HPCAL1: variants seen among roughly 807,000 people sequenced by gnomAD.
HPCAL1 encodes the protein hippocalcin-like protein 1.
A neutral mutation model predicts 17.1 loss-of-function variants in HPCAL1; 8 were observed. The ratio of observed to expected loss-of-function variants is 0.47; its 90% CI spans 0.27 to 0.84. The LOEUF is 0.84. Among genes scored for constraint, HPCAL1 ranks in the 40% least tolerant of loss-of-function variants. The probability of loss-of-function intolerance (pLI) is 0.13; values close to 1 mark genes in which losing one functional copy is unlikely to be tolerated. For missense variants in HPCAL1, 165 were observed against 271.1 expected (o/e 0.61, Z 2.75); for synonymous variants, 112 against 111.4 (o/e 1.01, Z -0.03).
chr2:10,404,161 A>G (rs367686768), intron 2 of HPCAL1, among the ~76,000 whole-genome samples: 21 of 152,244 alleles, frequency 1.4e-4, no homozygotes, highest in Admixed American at 5.2e-4. Context: ...GGTCTCCCCA[A>G]AAGTTTGGGC....
At chr2:10,307,361 G>A (rs188136681) in intron 1 of HPCAL1, among the ~76,000 whole-genome samples, 96 of 152,288 alleles carry the variant, frequency 6.3e-4, no homozygotes, top group African/African-American at 2.2e-3. Context: ...TCTCCTCTCA[G>A]GTAGGCATGA....
rs1432612401 is a variant in HPCAL1 at position 10,359,667 on chromosome 2, C to T, written c.-110-37168C>T. 2.0e-5 allele frequency among the ~76,000 whole-genome samples: 3 copies of T among 152,210 alleles called. No homozygotes were observed. Among genetic ancestry groups the T allele is most frequent in the Non-Finnish European group, 4.4e-5 (3 of 68,030 alleles). ...CCTTCCAGGCCCACTCAGTGGCTGG[C>T]GGTCCCACCTCCAAATGCAGGCAGA... On this transcript the variant is annotated intron_variant, in intron 1 of 4. Coordinates refer to ENST00000307845, the MANE Select transcript of HPCAL1 (RefSeq NM_002149.4). This position sits in a 1 kb window ranked among gnomAD's most constrained non-coding sequence, Gnocchi z 4.1.
Position 10,394,721 on chromosome 2 carries a change from G to A in HPCAL1, c.-110-2114G>A, listed in dbSNP as rs1668907600. Among the ~76,000 whole-genome samples, 1 of 152,154 alleles carries A rather than the reference G, an allele frequency of 6.6e-6. No homozygotes were observed. The highest frequency in any genetic ancestry group is 1.5e-5 in the Non-Finnish European group (1 of 68,024). ...GGATGTGGATCGTGGGGAAGGCTGT[G>A]GCCGGGAGTGGTGTAAGGGGTGTGT... is the stretch of plus-strand genomic sequence containing the variant. On this transcript the variant is annotated intron_variant, in intron 1 of 4. Transcript: ENST00000307845. This position sits in a 1 kb window ranked among gnomAD's most constrained non-coding sequence, Gnocchi z 5.0.
intron 1 of HPCAL1, among the ~76,000 whole-genome samples, chr2:10,355,912 C>T (rs867523758): frequency 1.9e-4 from 29 of 152,068 alleles, no homozygotes; most frequent in Admixed American, 4.6e-4. Context: ...GAGCCCCTGC[C>T]GGAGGACATG....
chr2:10,409,743 C>T (rs1670211881), intron 2 of HPCAL1, among the ~76,000 whole-genome samples: 1 of 143,192 alleles, frequency 7.0e-6, no homozygotes. Flanking sequence ...AAATTCACAA[C>T]AAACGCCTCT....
At position 10,384,164 on chromosome 2, in the gene HPCAL1, A is replaced by G. The variant is rs1433013264; in HGVS notation, c.-110-12671A>G. On this transcript the variant is annotated intron_variant, in intron 1 of 4. Coordinates refer to ENST00000307845, the MANE Select transcript of HPCAL1 (RefSeq NM_002149.4). The surrounding 1 kb of genome is among the most constrained non-coding windows in gnomAD (Gnocchi z 4.4). Reference sequence around the variant, plus strand: ...TAGGCAGACAAAAGAACAACCCCAGACCTCCTCCCTCAGGGTGGGGACAAG... The same window carrying G: ...TAGGCAGACAAAAGAACAACCCCAGGCCTCCTCCCTCAGGGTGGGGACAAG... 6.6e-6 allele frequency among the ~76,000 whole-genome samples: 1 copy of G among 151,634 alleles called. No homozygotes were observed. Among genetic ancestry groups the G allele is most frequent in the African/African-American group, 2.4e-5 (1 of 41,208 alleles).
intron 1 of HPCAL1, among the ~76,000 whole-genome samples, chr2:10,368,281 C>T (rs766612369): frequency 5.5e-4 from 82 of 149,206 alleles, no homozygotes; most frequent in Admixed American, 2.1e-3. Flanking sequence ...TGTGTGCATA[C>T]GTGTGTGTAG....
intron 2 of HPCAL1, among the ~76,000 whole-genome samples, chr2:10,400,631 T>A (rs1001928359): frequency 6.6e-6 from 1 of 152,136 alleles, no homozygotes; most frequent in Non-Finnish European, 1.5e-5. Flanking sequence ...AGGGTTATAT[T>A]TAGGGTGACT....
intron 1 of HPCAL1, among the ~76,000 whole-genome samples, chr2:10,370,944 C>A (rs1316122749): frequency 6.6e-6 from 1 of 152,230 alleles, no homozygotes; most frequent in Non-Finnish European, 1.5e-5. Context: ...ACGGGGCAGC[C>A]CCCTTCACCT....
At chr2:10,352,812 C>T (rs1263770288) in intron 1 of HPCAL1, among the ~76,000 whole-genome samples, 1 of 152,218 alleles carries the variant, frequency 6.6e-6, no homozygotes, top group Non-Finnish European at 1.5e-5. Flanking sequence ...ACAGAGATCA[C>T]TCCAGCCCTC....
chr2:10,360,556 C>T (rs1666457254), intron 1 of HPCAL1, among the ~76,000 whole-genome samples: 1 of 152,106 alleles, frequency 6.6e-6, no homozygotes, highest in Non-Finnish European at 1.5e-5. Flanking sequence ...GGATTCCAGG[C>T]ACCCGCCACC....
chr2:10,320,432 C>A (rs535073757), intron 1 of HPCAL1, among the ~76,000 whole-genome samples: 20 of 152,326 alleles, frequency 1.3e-4, no homozygotes, highest in African/African-American at 4.8e-4. Context: ...GCACCTCCCC[C>A]TGCTCTCCCT....
intron 1 of HPCAL1, among the ~76,000 whole-genome samples, chr2:10,336,552 A>G (rs1400582252): frequency 1.3e-5 from 2 of 152,068 alleles, no homozygotes; most frequent in Non-Finnish European, 2.9e-5. Context: ...GGTACTAATG[A>G]CCCTCCAAAT....
Position 10,377,596 on chromosome 2 carries a change from C to T in HPCAL1, c.-110-19239C>T, listed in dbSNP as rs1334081706. ...ACCTCTGAAGCCCCCTGCCAGCTCT[C>T]GGCAGCCCCCTCCTCCCCCTGGCTC... is the stretch of plus-strand genomic sequence containing the variant. On this transcript the variant is annotated intron_variant, in intron 1 of 4. Transcript: ENST00000307845. The surrounding 1 kb of genome is among the most constrained non-coding windows in gnomAD (Gnocchi z 5.9). Among the ~76,000 whole-genome samples the T allele has an allele frequency of 2.6e-5, 4 of 152,064 alleles. No individual in the cohort carries two copies. Among genetic ancestry groups the T allele is most frequent in the African/African-American group, 9.7e-5 (4 of 41,392 alleles).
intron 1 of HPCAL1, among the ~76,000 whole-genome samples, chr2:10,366,233 T>A (rs917591659): frequency 6.6e-6 from 1 of 152,076 alleles, no homozygotes; most frequent in Non-Finnish European, 1.5e-5. Flanking sequence ...TTTATTTTGT[T>A]TTATTATTAT....
At chr2:10,381,281 G>A (rs577604934) in intron 1 of HPCAL1, among the ~76,000 whole-genome samples, 11 of 152,214 alleles carry the variant, frequency 7.2e-5, no homozygotes, top group African/African-American at 2.4e-4. Context: ...GTTGTGCTTT[G>A]AACAACAGAG....
chr2:10,361,275 AG>A (rs1666510722), intron 1 of HPCAL1, among the ~76,000 whole-genome samples: 3 of 151,436 alleles, frequency 2.0e-5, no homozygotes, highest in Non-Finnish European at 4.4e-5. Context: ...AGAGAGAGAG[AG>A]AGAGAGCAGG....
At chr2:10,375,002 G>C (rs1392864106) in intron 1 of HPCAL1, among the ~76,000 whole-genome samples, 1 of 152,220 alleles carries the variant, frequency 6.6e-6, no homozygotes, top group Non-Finnish European at 1.5e-5. Flanking sequence ...CCGCAGAGGA[G>C]TAGGCCTTGG....
At position 10,323,478 on chromosome 2, in the gene HPCAL1, G is replaced by A. The variant is rs75458839; in HGVS notation, c.-111+20301G>A. ...CCTGCACCTGGCCCTGGCAGTGGGC[G>A]CACGTTAGGTGGGATTGCTGAAGAC... is the stretch of plus-strand genomic sequence containing the variant. On this transcript the variant is annotated intron_variant, in intron 1 of 4. Coordinates refer to ENST00000307845, the MANE Select transcript of HPCAL1 (RefSeq NM_002149.4). The surrounding 1 kb of genome is among the most constrained non-coding windows in gnomAD (Gnocchi z 4.6). Among the ~76,000 whole-genome samples, 7 of 152,158 alleles carry A rather than the reference G, an allele frequency of 4.6e-5. No individual in the cohort carries two copies. Among genetic ancestry groups the A allele is most frequent in the African/African-American group, 1.2e-4 (5 of 41,440 alleles).
Sources: allele counts gnomAD v4.1 joint callset (sites outside exome capture counted in the v4.1 genomes callset), GRCh38; gene constraint gnomAD v4.1.1; non-coding constraint Gnocchi (gnomAD v3.1); transcripts MANE v1.5; gene names NCBI Gene and HGNC (gene_info 2026-07-23, HGNC 2026-07-21).